PKP4: variants seen among roughly 807,000 people sequenced by gnomAD.
The protein encoded by PKP4 is plakophilin 4.
A neutral mutation model predicts 145.1 loss-of-function variants in PKP4; 90 were observed. The observed-to-expected ratio is 0.62, with a 90% CI of 0.52 to 0.74. The LOEUF (loss-of-function observed/expected upper bound fraction) is 0.74, where lower values mean the gene tolerates loss of function less well. PKP4 is among the 30% of genes least tolerant of loss of function. The pLI is 0.00. For missense variants in PKP4, 1,340 were observed against 1,482.7 expected, an observed-to-expected ratio of 0.90 and a Z score of 1.58; for synonymous variants, 563 against 577.2, an observed-to-expected ratio of 0.98 and a Z score of 0.35.
chr2:158,532,871 A>T lies in PKP4; in HGVS notation c.-5-309A>T, dbSNP rs889463412. ...AAACTCTTTTTTTCTTTTCTGTTGCAAAAACCTCTTCTGCAATTGGTAAAA... is the reference window on the plus strand; with the variant it reads ...AAACTCTTTTTTTCTTTTCTGTTGCTAAAACCTCTTCTGCAATTGGTAAAA... On this transcript the variant is annotated intron_variant, in intron 1 of 21. Coordinates refer to ENST00000389759, the MANE Select transcript of PKP4 (RefSeq NM_003628.6). Among the ~76,000 whole-genome samples, 8 of 152,286 alleles carry T rather than the reference A, an allele frequency of 5.3e-5. No individual in the cohort carries two copies. In the East Asian group the frequency reaches 1.5e-3, roughly 29 times the overall value.
chr2:158,568,334 A>T (rs989007333), intron 2 of PKP4, among the ~76,000 whole-genome samples: 1 of 152,066 alleles, frequency 6.6e-6, no homozygotes, highest in Non-Finnish European at 1.5e-5. Flanking sequence ...GCTAAACTCC[A>T]TCTACGAAAG....
chr2:158,596,817 A>T (rs573782643), intron 3 of PKP4, among the ~76,000 whole-genome samples: 11 of 152,240 alleles, frequency 7.2e-5, no homozygotes, highest in African/African-American at 2.6e-4. Context: ...GGTCTCCCAA[A>T]CTGGCTTATT....
At chr2:158,464,834 G>A (rs760615670) in intron 1 of PKP4, among the ~76,000 whole-genome samples, 6 of 152,232 alleles carry the variant, frequency 3.9e-5, no homozygotes, top group Non-Finnish European at 8.8e-5. Flanking sequence ...ATACCACTAG[G>A]GGTGCAAGTG....
At position 158,553,356 on chromosome 2, in the gene PKP4, G is replaced by A. The variant is rs562396209; in HGVS notation, c.132+20040G>A. Among the ~76,000 whole-genome samples the A allele has an allele frequency of 1.8e-4, 28 of 152,316 alleles. 1 individual carries two copies. The South Asian group carries it at 5.8e-3, about 32-fold the overall frequency. The stretch of plus-strand genomic sequence containing the variant: ...AGGCATGTGACTCCGCAGAAATCAG[G>A]AGTGGAGATGAAATTTTCCAGGGAA... On this transcript the variant is annotated intron_variant, in intron 2 of 21. Transcript: ENST00000389759.
intron 11 of PKP4, among the ~76,000 whole-genome samples, chr2:158,651,613 T>G (rs1351978049): frequency 6.6e-6 from 1 of 151,962 alleles, no homozygotes; most frequent in Non-Finnish European, 1.5e-5. Flanking sequence ...CCAAACCTGC[T>G]TCTTTCTGGC....
At chr2:158,546,093 A>C (rs959638431) in intron 2 of PKP4, among the ~76,000 whole-genome samples, 1 of 152,164 alleles carries the variant, frequency 6.6e-6, no homozygotes, top group Non-Finnish European at 1.5e-5. Context: ...TCTGAAATGT[A>C]TTCTGAATTT....
chr2:158,553,068 T>G (rs1374045832), intron 2 of PKP4, among the ~76,000 whole-genome samples: 1 of 152,170 alleles, frequency 6.6e-6, no homozygotes, highest in African/African-American at 2.4e-5. Context: ...ATGATGGACT[T>G]GGATATTTAG....
At chr2:158,540,790 TTTTG>T (rs2044452602) in intron 2 of PKP4, among the ~76,000 whole-genome samples, 1 of 152,200 alleles carries the variant, frequency 6.6e-6, no homozygotes, top group Non-Finnish European at 1.5e-5. Flanking sequence ...AATAGAATAT[TTTTG>T]TTTAATTTTT....
At chr2:158,579,344 T>C (rs944861431) in intron 3 of PKP4, among the ~76,000 whole-genome samples, 1 of 151,756 alleles carries the variant, frequency 6.6e-6, no homozygotes, top group African/African-American at 2.4e-5. Context: ...AGCACCTGAA[T>C]GTAGCACAGA....
At chr2:158,633,329 G>T (rs1287975527) in intron 8 of PKP4, among the ~76,000 whole-genome samples, 1 of 152,184 alleles carries the variant, frequency 6.6e-6, no homozygotes, top group African/African-American at 2.4e-5. Flanking sequence ...GAACAATTAA[G>T]TAAAATAAGG....
intron 2 of PKP4, among the ~76,000 whole-genome samples, chr2:158,566,166 C>G (rs1473565364): frequency 6.6e-6 from 1 of 152,128 alleles, no homozygotes; most frequent in African/African-American, 2.4e-5. Context: ...CATTAACTTG[C>G]TAGCCAAACC....
rs952062735 is a variant in PKP4 at position 158,492,324 on chromosome 2, C to T, written c.-6+35106C>T. On this transcript the variant is annotated intron_variant, in intron 1 of 21. Transcript: ENST00000389759. Reference sequence around the variant, plus strand: ...CCATATTCTTATAAAAATAAGAAACCGAAAAAGCAAGTTATGCGAAGTTAA... The same window carrying T: ...CCATATTCTTATAAAAATAAGAAACTGAAAAAGCAAGTTATGCGAAGTTAA... Among the ~76,000 whole-genome samples, 14 of 152,184 alleles carry T rather than the reference C, an allele frequency of 9.2e-5. 1 individual carries two copies. The highest frequency in any genetic ancestry group is 2.2e-4 in the African/African-American group (9 of 41,530).
At chr2:158,519,673 C>A (rs757245059) in intron 1 of PKP4, among the ~76,000 whole-genome samples, 1 of 152,172 alleles carries the variant, frequency 6.6e-6, no homozygotes. Context: ...ATCTTTCTGA[C>A]ATTTTGGCAC....
intron 1 of PKP4, among the ~76,000 whole-genome samples, chr2:158,461,721 T>C (rs1689798487): frequency 6.6e-6 from 1 of 152,218 alleles, no homozygotes; most frequent in African/African-American, 2.4e-5. Context: ...GTTTGACTTC[T>C]ATAGTTTCCT....
intron 1 of PKP4, among the ~76,000 whole-genome samples, chr2:158,522,758 A>T (rs1472380429): frequency 1.3e-5 from 2 of 152,216 alleles, no homozygotes; most frequent in Non-Finnish European, 2.9e-5. Context: ...CAGTGGGCGC[A>T]GGCCAGTGGG....
chr2:158,575,623 C>G (rs1179417280), intron 2 of PKP4, among the ~76,000 whole-genome samples: 2 of 152,140 alleles, frequency 1.3e-5, no homozygotes, highest in Non-Finnish European at 2.9e-5. Context: ...CCCTCAATCC[C>G]TAGTAGCCAC....
chr2:158,603,152 A>G lies in PKP4; in HGVS notation c.280+48A>G, dbSNP rs752990983. The G allele has an allele frequency of 3.0e-5, 31 of 1,026,996 alleles. No individual in the cohort carries two copies. In the East Asian group the frequency reaches 5.2e-4, roughly 17 times the overall value. 63.6% of individuals were successfully genotyped at this position (1,026,996 alleles called of 1,614,324 possible). A position where few individuals can be genotyped will look rare whatever the true frequency, so the allele number is the denominator to read the frequency against. ...GTTATGTTTGATAAACACAAATTAC[A>G]TAGCCTACTCTCTTAACTTACTATC... On this transcript the variant is annotated intron_variant, in intron 4 of 21. Coordinates refer to ENST00000389759, the MANE Select transcript of PKP4 (RefSeq NM_003628.6).
chr2:158,490,535 A>C (rs1559215381), intron 1 of PKP4, among the ~76,000 whole-genome samples: 2 of 152,230 alleles, frequency 1.3e-5, no homozygotes, highest in African/African-American at 4.8e-5. Context: ...AATGGTAAGA[A>C]TAGCTAATTT....
At chr2:158,673,794 C>T in intron 18 of PKP4, 33 bp downstream of exon 18, 1 of 1,482,344 alleles carries the variant, frequency 6.7e-7, no homozygotes, top group Admixed American at 1.7e-5. Flanking sequence ...GCATAATTAG[C>T]ATTCATCAGA....
Sources: gnomAD v4.1 joint callset for allele counts (sites outside exome capture counted in the v4.1 genomes callset) on GRCh38, gnomAD v4.1.1 for gene constraint, MANE v1.5 for transcripts, NCBI Gene and HGNC (gene_info 2026-07-23, HGNC 2026-07-21) for gene names.